Variants in CRELD1 observed in about 807,000 individuals in gnomAD.
CRELD1 encodes protein disulfide isomerase CRELD1.
A neutral mutation model predicts 58.2 loss-of-function variants in CRELD1; 42 were observed. The observed-to-expected ratio is 0.72, with a 90% CI of 0.56 to 0.93. The LOEUF is 0.93. Among genes scored for constraint, CRELD1 ranks in the 40% least tolerant of loss-of-function variants. CRELD1 has a pLI of 0.00. For synonymous variants in CRELD1, 222 were observed against 202.0 expected (o/e 1.10, Z -0.84); for missense variants, 500 against 540.6 (o/e 0.92, Z 0.74).
At chr3:9,938,249 G>T in intron 5 of CRELD1, 143 bp downstream of exon 5, 1 of 706,790 alleles carries the variant, frequency 1.4e-6, no homozygotes. Flanking sequence ...GCCTGACAGG[G>T]CTGGGGAGAT....
chr3:9,938,609 CA>C, intron 5 of CRELD1: 1 of 160,722 alleles, frequency 6.2e-6, no homozygotes, highest in African/African-American at 2.4e-5. Context: ...CCTGTAATCC[CA>C]ACACTTTGGG....
In CRELD1 at chr3:9,937,524, G is replaced by C. The variant is rs375630547; in HGVS notation, c.258-38G>C. The C allele has an allele frequency of 6.3e-5, 86 of 1,364,736 alleles. No homozygotes were observed. The African/African-American group carries it at 1.1e-3, about 18-fold the overall frequency. 84.5% of individuals were successfully genotyped at this position (1,364,736 alleles called of 1,614,324 possible). A position where few individuals can be genotyped will look rare whatever the true frequency, so the allele number is the denominator to read the frequency against. On this transcript the variant is annotated intron_variant, in intron 3 of 10. Coordinates refer to ENST00000452070, the MANE Select transcript of CRELD1 (RefSeq NM_001077415.3). ...ACTTGAGGAGGGTGGTGGGTGGGGT[G>C]GGGCATGTTTCCCACCAGCCCTGCC...
chr3:9,937,943 G>C, intron 4 of CRELD1, 72 bp from the exon 5 acceptor site: 1 of 1,100,540 alleles, frequency 9.1e-7, no homozygotes, highest in Non-Finnish European at 1.4e-6. Context: ...AGGCATGGGG[G>C]AATGGGAACA....
rs1314231996 is a variant in CRELD1 at position 9,944,958 on chromosome 3, TCAC to T, written c.*383_*385del. The T allele has an allele frequency of 5.9e-6, 2 of 338,340 alleles. No individual in the cohort carries two copies. The highest frequency in any genetic ancestry group is 1.1e-5 in the Non-Finnish European group (2 of 174,256). 21.0% of individuals were successfully genotyped at this position (338,340 alleles called of 1,614,324 possible). On this transcript the variant is annotated 3_prime_UTR_variant, in exon 11 of 11. Transcript: ENST00000452070. ...CATGCTGCCAGTTCCTGTTCTGTGT[TCAC>T]CACATCCCCACACCCCATTGCCACT... is the stretch of plus-strand genomic sequence containing the variant.
intron 5 of CRELD1, among the ~76,000 whole-genome samples, chr3:9,939,847 G>A (rs2085299126): frequency 6.6e-6 from 1 of 152,160 alleles, no homozygotes; most frequent in South Asian, 2.1e-4. Flanking sequence ...GAGCTGTTGG[G>A]TACACCTCCC....
chr3:9,934,642 G>A, intron 2 of CRELD1, 30 bp downstream of exon 2: 1 of 1,608,934 alleles, frequency 6.2e-7, no homozygotes, highest in Non-Finnish European at 8.5e-7. Context: ...CGTTAGAGGG[G>A]AACACAGCGA....
chr3:9,939,574 C>G (rs1488593134), intron 5 of CRELD1, among the ~76,000 whole-genome samples: 2 of 152,198 alleles, frequency 1.3e-5, no homozygotes, highest in Non-Finnish European at 2.9e-5. Flanking sequence ...TTTAACAAAG[C>G]ACATCTTGCA....
chr3:9,940,032 CG>C (rs1295424343), intron 5 of CRELD1, among the ~76,000 whole-genome samples: 1 of 151,442 alleles, frequency 6.6e-6, no homozygotes, highest in Non-Finnish European at 1.5e-5. Context: ...CCAGACGGGG[CG>C]GCTGCCGGGC....
At chr3:9,934,293 C>A (rs1575628794) in intron 1 of CRELD1, 127 bp from the exon 2 acceptor site, 2 of 736,564 alleles carry the variant, frequency 2.7e-6, no homozygotes, top group East Asian at 5.0e-5. Context: ...CCTGCAATAC[C>A]CAGTTTGGCC....
rs373114117 is a variant in CRELD1 at position 9,941,282 on chromosome 3, C to G, written c.733+76C>G. The G allele has an allele frequency of 2.9e-5, 38 of 1,297,788 alleles. No individual in the cohort carries two copies. In the Admixed American group the frequency reaches 6.5e-4, roughly 22 times the overall value. The allele number at this position is 1,297,788 out of a possible 1,614,324, so 80.4% of individuals were successfully genotyped here. On this transcript the variant is annotated intron_variant, in intron 7 of 10. Transcript: ENST00000452070. Reference sequence around the variant, plus strand: ...GGTCCTTTATTCTCTCAACACAAGCCTGGGCTAGACTAGCCTAGTCTCCAC... The same window carrying G: ...GGTCCTTTATTCTCTCAACACAAGCGTGGGCTAGACTAGCCTAGTCTCCAC...
chr3:9,944,332 G>T (rs56861690), intron 10 of CRELD1, 33 bp from the exon 11 acceptor site: 2 of 1,575,070 alleles, frequency 1.3e-6, no homozygotes, highest in Non-Finnish European at 1.7e-6. Context: ...ACAGGGATAC[G>T]AGTGCCAGGC....
At chr3:9,934,207 C>T (rs1015551167) in intron 1 of CRELD1, 23 of 577,994 alleles carry the variant, frequency 4.0e-5, no homozygotes, top group Admixed American at 1.2e-4. Context: ...TCCTCTCCAC[C>T]CCATGCTAGC....
chr3:9,944,082 C>G (rs778201596), intron 10 of CRELD1: 1 of 795,788 alleles, frequency 1.3e-6, no homozygotes, highest in Middle Eastern at 2.2e-4. Flanking sequence ...GACCGTGGAA[C>G]GAGACTCATA....
Position 9,934,819 on chromosome 3 carries a change from A to G in CRELD1, c.175-16A>G. On this transcript the variant is annotated splice_polypyrimidine_tract_variant and intron_variant, in intron 2 of 10. Coordinates refer to ENST00000452070, the MANE Select transcript of CRELD1 (RefSeq NM_001077415.3). ...CCAGGCACTGTACTTAGCTATTACT[A>G]ATTTTCTGTTTCCAGGGCCTGGAGA... 3.7e-6 allele frequency: 6 copies of G among 1,606,808 alleles called. No homozygotes were observed. Among genetic ancestry groups the G allele is most frequent in the Non-Finnish European group, 5.1e-6 (6 of 1,175,456 alleles).
At chr3:9,943,827 T>C in intron 10 of CRELD1, 1 of 1,613,312 alleles carries the variant, frequency 6.2e-7, no homozygotes, top group African/African-American at 1.3e-5. Context: ...GGGGGTGTGG[T>C]GAGATGCAGG....
chr3:9,944,292 G>A, intron 10 of CRELD1, 73 bp from the exon 11 acceptor site: 1 of 1,359,574 alleles, frequency 7.4e-7, no homozygotes, highest in Non-Finnish European at 1.1e-6. Context: ...GTGTGTGGGA[G>A]TTCTGGGGAG....
At chr3:9,934,238 C>G in intron 1 of CRELD1, 182 bp from the exon 2 acceptor site, 1 of 601,846 alleles carries the variant, frequency 1.7e-6, no homozygotes, top group Middle Eastern at 4.4e-4. Flanking sequence ...TATTTCTCTT[C>G]TGGAATTGCA....
At chr3:9,941,460 C>G (rs1373133985) in intron 7 of CRELD1, among the ~76,000 whole-genome samples, 1 of 152,104 alleles carries the variant, frequency 6.6e-6, no homozygotes, top group East Asian at 1.9e-4. Context: ...TCAGGAAAGG[C>G]TTCTTGGAGG....
chr3:9,944,208 C>T (rs2085456282), intron 10 of CRELD1, 157 bp from the exon 11 acceptor site: 2 of 806,392 alleles, frequency 2.5e-6, no homozygotes, highest in South Asian at 2.7e-5. Flanking sequence ...GTAACTGCCC[C>T]TTGCAGGGTG....
Sources: gnomAD v4.1 joint callset for allele counts (sites outside exome capture counted in the v4.1 genomes callset) on GRCh38, gnomAD v4.1.1 for gene constraint, MANE v1.5 for transcripts, NCBI Gene and HGNC (gene_info 2026-07-23, HGNC 2026-07-21) for gene names.